Variants in CAMK2D observed in about 807,000 individuals in gnomAD.
CAMK2D encodes the protein calcium/calmodulin dependent protein kinase II delta, also known as calcium/calmodulin-dependent protein kinase type II subunit delta.
A neutral mutation model predicts 84.0 loss-of-function variants in CAMK2D; 37 were observed. The ratio of observed to expected loss-of-function variants is 0.44; its 90% CI spans 0.34 to 0.58. The LOEUF is 0.58. Among genes scored for constraint, CAMK2D ranks in the 20% least tolerant of loss-of-function variants. The pLI, the probability that CAMK2D is intolerant of heterozygous loss-of-function variation, is 0.02. For missense variants in CAMK2D, 448 were observed against 652.5 expected, an observed-to-expected ratio of 0.69 and a Z score of 3.41; for synonymous variants, 202 against 212.5, an observed-to-expected ratio of 0.95 and a Z score of 0.43.
Position 113,465,515 on chromosome 4 carries a change from C to T in CAMK2D, c.1211+14G>A, listed in dbSNP as rs755698090. 36 of 1,537,268 alleles carry T rather than the reference C, an allele frequency of 2.3e-5. No individual in the cohort carries two copies. The highest frequency in any genetic ancestry group is 1.4e-4 in the South Asian group (12 of 86,670). On this transcript the variant is annotated intron_variant, in intron 17 of 20. Transcript: ENST00000511664. ...ACCATATGCATGAAAGCAAAGTAAACGTCCGCTACTCACGTGTAGGCTTCA... is the reference window on the plus strand; with the variant it reads ...ACCATATGCATGAAAGCAAAGTAAATGTCCGCTACTCACGTGTAGGCTTCA...
intron 14 of CAMK2D, among the ~76,000 whole-genome samples, chr4:113,504,524 C>G (rs2098101003): frequency 6.6e-6 from 1 of 152,204 alleles, no homozygotes; most frequent in Non-Finnish European, 1.5e-5. Flanking sequence ...AACGAGAACT[C>G]TGAATAAGGT....
intron 3 of CAMK2D, among the ~76,000 whole-genome samples, chr4:113,617,978 G>A (rs1232558366): frequency 6.6e-6 from 1 of 151,906 alleles, no homozygotes; most frequent in Non-Finnish European, 1.5e-5. Flanking sequence ...ACTGGGCCAT[G>A]ATATAAAACA....
chr4:113,624,548 CCTT>C (rs1455088125), intron 3 of CAMK2D, among the ~76,000 whole-genome samples: 1 of 152,170 alleles, frequency 6.6e-6, no homozygotes, highest in Non-Finnish European at 1.5e-5. Context: ...TCTTAACTTG[CCTT>C]CTTATGTGAA....
At chr4:113,526,677 G>A (rs1010282963) in intron 8 of CAMK2D, among the ~76,000 whole-genome samples, 4 of 151,822 alleles carry the variant, frequency 2.6e-5, no homozygotes, top group Non-Finnish European at 5.9e-5. Context: ...TATATGAACT[G>A]TATTACAGAA....
At position 113,451,355 on chromosome 4, in the gene CAMK2D, T is replaced by G. The variant is rs140008285; in HGVS notation, c.*3190A>C. ...GTTGTATACCCTCGTGAGCAAAGAA[T>G]AATAACAATAGGAATATTAATGTCA... On this transcript the variant is annotated 3_prime_UTR_variant, in exon 21 of 21. Coordinates refer to ENST00000511664, the MANE Select transcript of CAMK2D (RefSeq NM_001321571.2). 8 of 152,328 alleles carry G rather than the reference T, an allele frequency of 5.3e-5. No individual in the cohort carries two copies. The highest frequency in any genetic ancestry group is 1.9e-4 in the African/African-American group (8 of 41,578). The allele number at this position is 152,328 out of a possible 1,614,324, so 9.4% of individuals were successfully genotyped here.
chr4:113,525,616 T>A (rs1388165042), intron 8 of CAMK2D, among the ~76,000 whole-genome samples: 1 of 152,170 alleles, frequency 6.6e-6, no homozygotes, highest in East Asian at 1.9e-4. Context: ...GAATTCGAGA[T>A]TTCCTGTGTG....
At chr4:113,541,292 A>G (rs1400727755) in intron 6 of CAMK2D, among the ~76,000 whole-genome samples, 5 of 152,200 alleles carry the variant, frequency 3.3e-5, no homozygotes, top group Non-Finnish European at 7.3e-5. Flanking sequence ...AAGACGTGAT[A>G]CTAAAGAAGC....
chr4:113,491,585 G>C (rs1212335438), intron 16 of CAMK2D, among the ~76,000 whole-genome samples: 3 of 152,104 alleles, frequency 2.0e-5, no homozygotes, highest in African/African-American at 4.8e-5. Flanking sequence ...GTTCATCAAG[G>C]ATATTGGTCT....
At chr4:113,501,832 T>G (rs1466860557) in intron 15 of CAMK2D, among the ~76,000 whole-genome samples, 1 of 152,092 alleles carries the variant, frequency 6.6e-6, no homozygotes, top group Middle Eastern at 3.2e-3. Context: ...CTAATGCTAT[T>G]AAAAAAATTG....
At chr4:113,748,118 C>T (rs1470505953) in intron 2 of CAMK2D, among the ~76,000 whole-genome samples, 1 of 152,074 alleles carries the variant, frequency 6.6e-6, no homozygotes, top group Non-Finnish European at 1.5e-5. Flanking sequence ...CTCTCATCAA[C>T]CCAACAGTTA....
rs557473854 is a variant in CAMK2D, at chr4:113,585,868, ATTGTGT to A, written c.275+23278_275+23283del. Among the ~76,000 whole-genome samples the A allele has an allele frequency of 2.5e-4, 38 of 152,272 alleles. No individual in the cohort carries two copies. In the South Asian group the frequency reaches 7.1e-3, roughly 28 times the overall value. On this transcript the variant is annotated intron_variant, in intron 4 of 20. Coordinates refer to ENST00000511664, the MANE Select transcript of CAMK2D (RefSeq NM_001321571.2). The stretch of plus-strand genomic sequence containing the variant: ...TGCATCCAGTATTAAACTGGAAGTA[ATTGTGT>A]TTAAGAAAAGAGCTTTAATTGGCAT...
At chr4:113,460,120 A>G (rs747709397) in intron 18 of CAMK2D, 27 bp downstream of exon 18, 1 of 1,275,138 alleles carries the variant, frequency 7.8e-7, no homozygotes, top group South Asian at 1.2e-5. Flanking sequence ...TAAAAAGGGC[A>G]TGTTATTAAA....
intron 2 of CAMK2D, among the ~76,000 whole-genome samples, chr4:113,756,539 TATTC>T (rs2099629005): frequency 6.6e-6 from 1 of 152,190 alleles, no homozygotes; most frequent in African/African-American, 2.4e-5. Context: ...CCTTTGAACG[TATTC>T]ATTATTTTAA....
intron 8 of CAMK2D, among the ~76,000 whole-genome samples, chr4:113,528,009 A>G (rs2098433872): frequency 6.6e-6 from 1 of 152,184 alleles, no homozygotes; most frequent in Admixed American, 6.5e-5. Context: ...TCTGTCCATA[A>G]TAACACCTTT....
At chr4:113,701,868 C>T (rs1407289636) in intron 2 of CAMK2D, among the ~76,000 whole-genome samples, 3 of 152,040 alleles carry the variant, frequency 2.0e-5, no homozygotes, top group East Asian at 3.9e-4. Flanking sequence ...CGCCATGATG[C>T]CCAGCAAATT....
At chr4:113,577,273 C>T (rs1432652052) in intron 4 of CAMK2D, among the ~76,000 whole-genome samples, 2 of 152,104 alleles carry the variant, frequency 1.3e-5, no homozygotes, top group Admixed American at 1.3e-4. Flanking sequence ...TTCAAAATTT[C>T]CTGGAATATG....
chr4:113,759,490 T>G, intron 1 of CAMK2D, 76 bp from the exon 2 acceptor site: 1 of 873,588 alleles, frequency 1.1e-6, no homozygotes, highest in Non-Finnish European at 1.7e-6. Context: ...ATCTGAGCAT[T>G]TTTATTGATT....
intron 4 of CAMK2D, among the ~76,000 whole-genome samples, chr4:113,606,960 C>T (rs2098980306): frequency 6.6e-6 from 1 of 151,978 alleles, no homozygotes; most frequent in Non-Finnish European, 1.5e-5. Context: ...GATGTCTCAT[C>T]AAAAATCAAG....
At chr4:113,492,458 G>A (rs1564603389) in intron 16 of CAMK2D, among the ~76,000 whole-genome samples, 1 of 152,182 alleles carries the variant, frequency 6.6e-6, no homozygotes, top group Non-Finnish European at 1.5e-5. Flanking sequence ...GGTTTTGAGT[G>A]AGATTCTTAA....
Sources: gnomAD v4.1 joint callset for allele counts (sites outside exome capture counted in the v4.1 genomes callset) on GRCh38, gnomAD v4.1.1 for gene constraint, MANE v1.5 for transcripts, NCBI Gene and HGNC (gene_info 2026-07-23, HGNC 2026-07-21) for gene names.